Variants in SEPTIN14 observed in about 807,000 individuals in gnomAD.
The protein encoded by SEPTIN14 is septin-14.
A neutral mutation model predicts 53.6 loss-of-function variants in SEPTIN14; 40 were observed. The ratio of observed to expected loss-of-function variants is 0.75; its 90% CI spans 0.58 to 0.97. The LOEUF is 0.97. Among genes scored for constraint, SEPTIN14 ranks in the 50% least tolerant of loss-of-function variants. The pLI is 0.00. For missense variants in SEPTIN14, 471 were observed against 508.2 expected (o/e 0.93, Z 0.70); for synonymous variants, 138 against 166.8 (o/e 0.83, Z 1.33).
At chr7:55,826,307 C>G (rs1297790964) in intron 6 of SEPTIN14, among the ~76,000 whole-genome samples, 5 of 151,968 alleles carry the variant, frequency 3.3e-5, no homozygotes, top group Non-Finnish European at 1.5e-5. Flanking sequence ...CTTTGCATAC[C>G]CTGACCTATA....
intron 6 of SEPTIN14, among the ~76,000 whole-genome samples, chr7:55,830,341 A>ATTTTTTTTT (rs1789082534): frequency 3.1e-5 from 1 of 32,276 alleles, no homozygotes; most frequent in African/African-American, 2.2e-4. Context: ...ATATATATAT[A>ATTTTTTTTT]TATATATATT....
chr7:55,826,056 C>A (rs1014265646), intron 6 of SEPTIN14, among the ~76,000 whole-genome samples: 1 of 150,872 alleles, frequency 6.6e-6, no homozygotes, highest in South Asian at 2.1e-4. Flanking sequence ...GAGCCGAGAT[C>A]GAGCCACTGC....
intron 2 of SEPTIN14, among the ~76,000 whole-genome samples, chr7:55,853,851 A>G (rs1353138704): frequency 1.3e-5 from 2 of 152,188 alleles, no homozygotes; most frequent in Non-Finnish European, 1.5e-5. Context: ...GTGGTGGCTC[A>G]TGCCTGTAAT....
chr7:55,809,309 CTTTTTT>C (rs780613537), intron 7 of SEPTIN14, among the ~76,000 whole-genome samples: 32 of 88,650 alleles, frequency 3.6e-4, no homozygotes, highest in African/African-American at 1.5e-3. Context: ...ACTATGCTTA[CTTTTTT>C]TTTTTTTTTT....
chr7:55,809,504 C>T (rs567725880), intron 7 of SEPTIN14, among the ~76,000 whole-genome samples: 48 of 151,234 alleles, frequency 3.2e-4, no homozygotes, highest in Admixed American at 2.2e-3. Flanking sequence ...TACAGGAGCG[C>T]GCCACCACAC....
rs1168687283 is a variant in SEPTIN14 at position 55,838,585 on chromosome 7, C to G, written c.559-3999G>C. The stretch of plus-strand genomic sequence containing the variant: ...TCTTTCTCTCTTTCTCTCTTTCGCT[C>G]TCTTTTCTTTCAACGGGGACTTGCT... On this transcript the variant is annotated intron_variant, in intron 5 of 9. Transcript: ENST00000388975. Among the ~76,000 whole-genome samples, 7 of 136,920 alleles carry G rather than the reference C, an allele frequency of 5.1e-5. No individual in the cohort carries two copies. The East Asian group carries it at 1.6e-3, about 32-fold the overall frequency. The allele number at this position is 136,920 out of a possible 152,430, so 89.8% of individuals were successfully genotyped here.
chr7:55,844,751 C>T, intron 3 of SEPTIN14, 33 bp from the exon 4 acceptor site: 2 of 1,177,642 alleles, frequency 1.7e-6, no homozygotes, highest in East Asian at 2.6e-5. Flanking sequence ...GTCATAGGGA[C>T]ATAAAGGGGC....
At position 55,848,607 on chromosome 7, in the gene SEPTIN14, A is replaced by AT. The variant is rs34269322; in HGVS notation, c.55-1971dup. Among the ~76,000 whole-genome samples, 1,033 of 110,232 alleles carry AT rather than the reference A, an allele frequency of 9.4e-3. 10 individuals carry two copies. The highest frequency in any genetic ancestry group is 0.029 in the African/African-American group (727 of 25,156). The allele number at this position is 110,232 out of a possible 152,430, so 72.3% of individuals were successfully genotyped here. A position where few individuals can be genotyped will look rare whatever the true frequency, so the allele number is the denominator to read the frequency against. ...CACTGAGCCCGATCTACTAACAGAG[A>AT]TTTTTTTTTTTTTTTTTTTTTGAGA... On this transcript the variant is annotated intron_variant, in intron 2 of 9. Coordinates refer to ENST00000388975, the MANE Select transcript of SEPTIN14 (RefSeq NM_207366.3).
At chr7:55,821,410 G>A (rs1487373811) in intron 6 of SEPTIN14, among the ~76,000 whole-genome samples, 1 of 152,146 alleles carries the variant, frequency 6.6e-6, no homozygotes, top group Non-Finnish European at 1.5e-5. Flanking sequence ...CTGCCTCAGA[G>A]ATTTTACCTT....
intron 2 of SEPTIN14, among the ~76,000 whole-genome samples, chr7:55,850,542 G>T (rs1325850479): frequency 1.3e-5 from 2 of 152,132 alleles, no homozygotes; most frequent in Non-Finnish European, 2.9e-5. Flanking sequence ...ATTAATTTCT[G>T]TCATGTGCAT....
At chr7:55,819,690 G>A (rs1788860422) in intron 6 of SEPTIN14, among the ~76,000 whole-genome samples, 1 of 152,110 alleles carries the variant, frequency 6.6e-6, no homozygotes, top group South Asian at 2.1e-4. Context: ...GCACTAATTG[G>A]TTTCTGTCAG....
At chr7:55,805,151 T>C in intron 9 of SEPTIN14, 107 bp downstream of exon 9, 2 of 1,012,314 alleles carry the variant, frequency 2.0e-6, no homozygotes, top group East Asian at 2.5e-5. Flanking sequence ...TTTTGAAAAA[T>C]AGCAAGTATC....
intron 5 of SEPTIN14, among the ~76,000 whole-genome samples, 178 bp from the exon 6 acceptor site, chr7:55,834,764 T>A (rs2116032475): frequency 6.6e-6 from 1 of 152,266 alleles, no homozygotes; most frequent in Non-Finnish European, 1.5e-5. Context: ...TGCCTCAGCC[T>A]CCCGAGTAGC....
Position 55,834,122 on chromosome 7 carries a change from A to T in SEPTIN14, c.720+303T>A, listed in dbSNP as rs1339176644. ...AAATTCTACCAAACTTTCAAAGAAA[A>T]TTTAATATAAAACATCCTCAAATTC... On this transcript the variant is annotated intron_variant, in intron 6 of 9. Transcript: ENST00000388975. Among the ~76,000 whole-genome samples, 4 of 152,194 alleles carry T rather than the reference A, an allele frequency of 2.6e-5. No homozygotes were observed. The East Asian group carries it at 7.7e-4, about 29-fold the overall frequency.
intron 5 of SEPTIN14, 139 bp from the exon 6 acceptor site, chr7:55,834,725 CTCCGCCTCCT>C: frequency 1.7e-6 from 1 of 578,370 alleles, no homozygotes; most frequent in Non-Finnish European, 2.9e-6. Flanking sequence ...TCACTGCAAG[CTCCGCCTCCT>C]GGGTTCACGC....
chr7:55,797,300 T>C (rs1441396819), intron 9 of SEPTIN14, among the ~76,000 whole-genome samples: 5 of 152,122 alleles, frequency 3.3e-5, no homozygotes, highest in African/African-American at 7.2e-5. Flanking sequence ...TCCAAATCCA[T>C]GAAGCTTAAA....
intron 9 of SEPTIN14, among the ~76,000 whole-genome samples, chr7:55,799,518 CAAAAAAAAAAAA>C (rs59445168): frequency 4.8e-5 from 3 of 62,896 alleles, no homozygotes; most frequent in Non-Finnish European, 1.0e-4. Context: ...ACTCTTGTCT[CAAAAAAAAAAAA>C]AAAAAAAAAA....
intron 5 of SEPTIN14, among the ~76,000 whole-genome samples, chr7:55,840,962 C>T (rs1407373368): frequency 6.6e-6 from 1 of 152,056 alleles, no homozygotes; most frequent in African/African-American, 2.4e-5. Flanking sequence ...TGCAGTGGCG[C>T]AATCTCGGCT....
At chr7:55,822,828 G>A (rs1788919616) in intron 6 of SEPTIN14, among the ~76,000 whole-genome samples, 1 of 149,034 alleles carries the variant, frequency 6.7e-6, no homozygotes, top group Non-Finnish European at 1.5e-5. Context: ...TAGAGAAAGG[G>A]AGTCAGGCTG....
Sources: gnomAD v4.1 joint callset for allele counts (sites outside exome capture counted in the v4.1 genomes callset) on GRCh38, gnomAD v4.1.1 for gene constraint, MANE v1.5 for transcripts, NCBI Gene and HGNC (gene_info 2026-07-23, HGNC 2026-07-21) for gene names.